The following EPC2 variants were observed in gnomAD, a reference collection of about 807,000 sequenced individuals.
EPC2 encodes enhancer of polycomb homolog 2.
Under a neutral mutation model 92.1 loss-of-function variants are expected in EPC2, and 14 were observed. The observed-to-expected ratio is 0.15, with a 90% confidence interval of 0.10 to 0.24. EPC2 has a LOEUF of 0.24. Among genes scored for constraint, EPC2 ranks in the 10% least tolerant of loss-of-function variants. EPC2 has a pLI of 1.00. For missense variants in EPC2, 755 were observed against 971.5 expected (o/e 0.78, Z 2.96); for synonymous variants, 340 against 334.7 (o/e 1.02, Z -0.17).
intron 1 of EPC2, among the ~76,000 whole-genome samples, chr2:148,648,873 A>G (rs912989148): frequency 6.6e-6 from 1 of 152,216 alleles, no homozygotes; most frequent in African/African-American, 2.4e-5. Context: ...TTGGACATCC[A>G]AACATCTTTT....
At chr2:148,765,814 G>A (rs957046253) in intron 7 of EPC2, among the ~76,000 whole-genome samples, 1 of 152,156 alleles carries the variant, frequency 6.6e-6, no homozygotes, top group Non-Finnish European at 1.5e-5. Context: ...GAGGCAGGCG[G>A]ATCACAAGAT....
chr2:148,741,617 G>C (rs1185991263), intron 2 of EPC2, among the ~76,000 whole-genome samples: 1 of 152,108 alleles, frequency 6.6e-6, no homozygotes, highest in African/African-American at 2.4e-5. Flanking sequence ...ATGAATGTAG[G>C]ATATTCATTT....
chr2:148,756,685 T>C (rs1683196359), intron 4 of EPC2, among the ~76,000 whole-genome samples: 1 of 152,214 alleles, frequency 6.6e-6, no homozygotes. Flanking sequence ...AGCATATGCA[T>C]TTAATATATT....
intron 3 of EPC2, 120 bp from the exon 4 acceptor site, chr2:148,753,807 C>T: frequency 1.4e-6 from 1 of 694,978 alleles, no homozygotes; most frequent in African/African-American, 1.8e-5. Flanking sequence ...TCTTCACTTA[C>T]TATAATATTA....
chr2:148,749,237 A>T (rs1315239361), intron 3 of EPC2, among the ~76,000 whole-genome samples: 1 of 152,158 alleles, frequency 6.6e-6, no homozygotes, highest in Non-Finnish European at 1.5e-5. Flanking sequence ...GGTGGTGTTC[A>T]TAGTACCAGC....
intron 2 of EPC2, chr2:148,692,114 G>A (rs1273070594): frequency 8.6e-6 from 2 of 232,844 alleles, no homozygotes; most frequent in Non-Finnish European, 8.5e-6. Context: ...TAGGGACTAC[G>A]AAAATTACCC....
chr2:148,765,984 T>A (rs892475812), intron 7 of EPC2, among the ~76,000 whole-genome samples: 10 of 152,018 alleles, frequency 6.6e-5, no homozygotes, highest in Non-Finnish European at 1.5e-5. Context: ...TGCAGTGAGC[T>A]GAGATCGCAC....
At chr2:148,754,827 C>A (rs544900415) in intron 4 of EPC2, among the ~76,000 whole-genome samples, 1 of 152,198 alleles carries the variant, frequency 6.6e-6, no homozygotes, top group African/African-American at 2.4e-5. Flanking sequence ...GAAACAGGAT[C>A]TCATACTGTT....
At chr2:148,697,558 G>A (rs1326267418) in intron 2 of EPC2, among the ~76,000 whole-genome samples, 6 of 152,156 alleles carry the variant, frequency 3.9e-5, no homozygotes, top group African/African-American at 1.4e-4. Context: ...GTAGTGAGGA[G>A]CTCTACTGAA....
chr2:148,678,371 G>A (rs977536135), intron 1 of EPC2, among the ~76,000 whole-genome samples: 5 of 152,250 alleles, frequency 3.3e-5, no homozygotes, highest in African/African-American at 9.6e-5. Flanking sequence ...TGCAGATGGA[G>A]CTGCCGGCTA....
chr2:148,663,194 GTATTATTATTAT>G lies in EPC2; in HGVS notation c.153+18059_153+18070del, dbSNP rs56337513. On this transcript the variant is annotated intron_variant, in intron 1 of 13. Transcript: ENST00000258484. ...CTCAAAAGGTATCTACTGTGTTTTT[GTATTATTATTAT>G]TATTATTATTATTATTATTATTATT... 2.7e-3 allele frequency among the ~76,000 whole-genome samples: 373 copies of G among 136,344 alleles called. 1 individual carries two copies. In the South Asian group the frequency reaches 0.034, roughly 12 times the overall value. 89.4% of individuals were successfully genotyped at this position (136,344 alleles called of 152,430 possible).
intron 2 of EPC2, among the ~76,000 whole-genome samples, chr2:148,700,370 T>C (rs963265003): frequency 1.3e-5 from 2 of 152,186 alleles, no homozygotes; most frequent in Non-Finnish European, 2.9e-5. Context: ...TATATGTAGA[T>C]CTGTGATCCA....
At chr2:148,778,619 C>T (rs150470769) in intron 10 of EPC2, among the ~76,000 whole-genome samples, 22 of 145,136 alleles carry the variant, frequency 1.5e-4, no homozygotes, top group African/African-American at 4.8e-4. Context: ...TAAAACTATG[C>T]ATTTCATACC....
chr2:148,774,743 T>C (rs1683593349), intron 10 of EPC2, among the ~76,000 whole-genome samples: 1 of 151,786 alleles, frequency 6.6e-6, no homozygotes, highest in South Asian at 2.1e-4. Flanking sequence ...AAAGCAGAGA[T>C]GTGTTTTGTT....
At position 148,733,479 on chromosome 2, in the gene EPC2, A is replaced by AT. The variant is rs34219179; in HGVS notation, c.314-10107dup. On this transcript the variant is annotated intron_variant, in intron 2 of 13. Coordinates refer to ENST00000258484, the MANE Select transcript of EPC2 (RefSeq NM_015630.4). ...CTTTCTCTTTTCTTTCTCTCTCTGG[A>AT]TTTTTTTTTTTTTTTTTTTTTTTTT... Among the ~76,000 whole-genome samples the AT allele has an allele frequency of 3.7e-3, 99 of 26,682 alleles. 38 individuals carry two copies. Among genetic ancestry groups the AT allele is most frequent in the East Asian group, 6.2e-3 (7 of 1,136 alleles). 17.5% of individuals were successfully genotyped at this position (26,682 alleles called of 152,430 possible).
chr2:148,768,290 G>C (rs1683454044), intron 7 of EPC2, among the ~76,000 whole-genome samples: 1 of 152,114 alleles, frequency 6.6e-6, no homozygotes, highest in African/African-American at 2.4e-5. Flanking sequence ...ATAATTATGG[G>C]TGGAAATTTA....
chr2:148,705,451 C>T (rs1681973286), intron 2 of EPC2, among the ~76,000 whole-genome samples: 1 of 152,114 alleles, frequency 6.6e-6, no homozygotes, highest in Non-Finnish European at 1.5e-5. Flanking sequence ...TTCTGCATTT[C>T]CAACTGAGCT....
At chr2:148,776,495 C>A (rs1391968166) in intron 10 of EPC2, among the ~76,000 whole-genome samples, 1 of 152,108 alleles carries the variant, frequency 6.6e-6, no homozygotes, top group Non-Finnish European at 1.5e-5. Context: ...GTAAGAGTTA[C>A]ATTTGTAAGA....
At chr2:148,783,281 T>C (rs553028530) in intron 11 of EPC2, among the ~76,000 whole-genome samples, 1 of 152,330 alleles carries the variant, frequency 6.6e-6, no homozygotes, top group South Asian at 2.1e-4. Flanking sequence ...ATCTCTATGA[T>C]TTCATTTTAT....
Sources: allele counts gnomAD v4.1 joint callset (sites outside exome capture counted in the v4.1 genomes callset), GRCh38; gene constraint gnomAD v4.1.1; transcripts MANE v1.5; gene names NCBI Gene and HGNC (gene_info 2026-07-23, HGNC 2026-07-21).